Variants in TTC17 observed in about 807,000 individuals in gnomAD.
The protein encoded by TTC17 is tetratricopeptide repeat protein 17.
A neutral mutation model predicts 143.8 loss-of-function variants in TTC17; 58 were observed. The ratio of observed to expected loss-of-function variants is 0.40; its 90% confidence interval spans 0.33 to 0.50. The LOEUF (loss-of-function observed/expected upper bound fraction) is 0.50. Ranked by LOEUF, TTC17 falls within the 20% of genes least tolerant of loss-of-function variation. TTC17 has a pLI of 0.49. For synonymous variants in TTC17, 501 were observed against 497.8 expected, an observed-to-expected ratio of 1.01 and a Z score of -0.09; for missense variants, 1,273 against 1,392.5, an observed-to-expected ratio of 0.91 and a Z score of 1.37.
chr11:43,448,283 C>T (rs1163867507), intron 19 of TTC17, among the ~76,000 whole-genome samples, 161 bp downstream of exon 19: 1 of 152,160 alleles, frequency 6.6e-6, no homozygotes, highest in Non-Finnish European at 1.5e-5. Flanking sequence ...GTGGACCCAA[C>T]CCATTGTAGC....
In TTC17 at chr11:43,404,016, A is replaced by G. The variant is rs141356687; in HGVS notation, c.1351A>G (p.Thr451Ala). The G allele has an allele frequency of 2.0e-5, 32 of 1,604,230 alleles. No individual in the cohort carries two copies. Among genetic ancestry groups the G allele is most frequent in the African/African-American group, 9.4e-5 (7 of 74,310 alleles). Residue 451 changes from threonine (T) to alanine (A), a missense_variant, in exon 11 of 24, where the codon ACC becomes GCC. By Grantham distance (58) the Thr-to-Ala change is moderately conservative (BLOSUM62 0). Around this residue, in one of 3 missense-constraint regions of TTC17, gnomAD observed 878 missense variants for 899.8 expected, o/e 0.98. Transcript: ENST00000039989. ...TTTCTAGTTTGGTGAGGATTCATCAACCTCCAGTATGATGTCTGTGAACTT... is the reference window on the plus strand; with the variant it reads ...TTTCTAGTTTGGTGAGGATTCATCAGCCTCCAGTATGATGTCTGTGAACTT... ...DYVQFGEDSSTSSMMSVNFDV... is the reference protein window; with the variant it reads ...DYVQFGEDSSASSMMSVNFDV...
chr11:43,397,862 G>C, intron 7 of TTC17, 112 bp from the exon 8 acceptor site: 1 of 1,424,288 alleles, frequency 7.0e-7, no homozygotes, highest in Non-Finnish European at 9.5e-7. Flanking sequence ...TAGAGGATTT[G>C]GACAGATGCA....
At chr11:43,401,720 T>G (rs973359367) in intron 10 of TTC17, 162 bp downstream of exon 10, 5 of 545,472 alleles carry the variant, frequency 9.2e-6, no homozygotes, top group Non-Finnish European at 1.6e-5. Context: ...GGCTCACGCC[T>G]GTAATCTCAG....
intron 21 of TTC17, among the ~76,000 whole-genome samples, chr11:43,470,658 C>T (rs914910913): frequency 3.3e-5 from 5 of 152,190 alleles, no homozygotes; most frequent in Non-Finnish European, 5.9e-5. Flanking sequence ...TTTAGGCTCA[C>T]GGACGGACTT....
At chr11:43,398,722 A>G (rs1857721631) in intron 8 of TTC17, among the ~76,000 whole-genome samples, 1 of 152,244 alleles carries the variant, frequency 6.6e-6, no homozygotes, top group Admixed American at 6.5e-5. Context: ...AAGAAACTTC[A>G]TGTTAACTCA....
intron 10 of TTC17, among the ~76,000 whole-genome samples, chr11:43,402,501 A>G (rs1857909991): frequency 6.6e-6 from 1 of 152,260 alleles, no homozygotes; most frequent in South Asian, 2.1e-4. Context: ...AACACATGTA[A>G]TGATACCAGA....
intron 8 of TTC17, among the ~76,000 whole-genome samples, chr11:43,399,537 G>C (rs368754763): frequency 6.6e-6 from 1 of 152,140 alleles, no homozygotes; most frequent in African/African-American, 2.4e-5. Flanking sequence ...GCATGGTGGC[G>C]TGTGCCTGTA....
At chr11:43,490,562 G>A (rs1948455999) in intron 22 of TTC17, among the ~76,000 whole-genome samples, 1 of 152,186 alleles carries the variant, frequency 6.6e-6, no homozygotes, top group South Asian at 2.1e-4. Flanking sequence ...GCTTCAGCAG[G>A]TTGGAACGTG....
intron 18 of TTC17, among the ~76,000 whole-genome samples, chr11:43,444,717 A>C (rs1350948201): frequency 1.7e-5 from 2 of 117,848 alleles, no homozygotes; most frequent in Admixed American, 1.8e-4. Context: ...AGTTCACCAA[A>C]TACATACACA....
intron 22 of TTC17, chr11:43,490,608 C>A: frequency 3.3e-6 from 1 of 301,050 alleles, no homozygotes; most frequent in Non-Finnish European, 6.0e-6. Context: ...GACAGTACTG[C>A]ATTTAGTCCC....
chr11:43,418,319 T>G (rs1348435977), intron 16 of TTC17, among the ~76,000 whole-genome samples: 1 of 152,194 alleles, frequency 6.6e-6, no homozygotes, highest in Non-Finnish European at 1.5e-5. Context: ...TTATAGGTAG[T>G]TTTATATCAC....
intron 1 of TTC17, among the ~76,000 whole-genome samples, chr11:43,374,364 G>A (rs1856683285): frequency 6.6e-6 from 1 of 152,096 alleles, no homozygotes; most frequent in Admixed American, 6.5e-5. Context: ...ATAGGCCTGG[G>A]CAAAGAATTT....
chr11:43,419,752 C>T (rs1174935999), intron 16 of TTC17, among the ~76,000 whole-genome samples: 1 of 152,154 alleles, frequency 6.6e-6, no homozygotes, highest in African/African-American at 2.4e-5. Context: ...TATTCACAGA[C>T]TCTATCATAG....
chr11:43,445,359 A>G lies in TTC17; in HGVS notation c.2665+1150A>G, dbSNP rs1257204879. Among the ~76,000 whole-genome samples the G allele has an allele frequency of 2.6e-5, 4 of 152,328 alleles. No homozygotes were observed. The South Asian group carries it at 8.3e-4, about 32-fold the overall frequency. ...CATCTTAGATTTGATGAAATATGGTATAATAAACAAGCACATAGAAACAAA... is the reference window on the plus strand; with the variant it reads ...CATCTTAGATTTGATGAAATATGGTGTAATAAACAAGCACATAGAAACAAA... On this transcript the variant is annotated intron_variant, in intron 18 of 23. Coordinates refer to ENST00000039989, the MANE Select transcript of TTC17 (RefSeq NM_018259.6).
intron 21 of TTC17, among the ~76,000 whole-genome samples, chr11:43,471,897 G>T (rs1341274237): frequency 6.6e-6 from 1 of 152,104 alleles, no homozygotes; most frequent in South Asian, 2.1e-4. Flanking sequence ...AAGGCAAATA[G>T]TAAAATGACA....
chr11:43,407,299 T>C (rs185859548), intron 14 of TTC17, 54 bp from the exon 15 acceptor site: 613 of 1,579,810 alleles, frequency 3.9e-4, no homozygotes, highest in Non-Finnish European at 5.0e-4. Context: ...AAAAATCTTA[T>C]TTAGAACAAG....
At chr11:43,404,517 A>G (rs1014711801) in intron 11 of TTC17, among the ~76,000 whole-genome samples, 15 of 152,214 alleles carry the variant, frequency 9.9e-5, no homozygotes, top group Non-Finnish European at 1.2e-4. Context: ...TAATGCTGGC[A>G]GTATAATAGA....
intron 12 of TTC17, 73 bp downstream of exon 12, chr11:43,405,702 G>A (rs1858089506): frequency 6.2e-7 from 1 of 1,611,664 alleles, no homozygotes; most frequent in Non-Finnish European, 8.5e-7. Context: ...GAGAGCACCA[G>A]CCTTGGACTT....
Position 43,405,547 on chromosome 11 carries a change from G to C in TTC17, c.1513G>C (p.Asp505His). ...GCATATTCTATGGCCTAAAAGAGCA[G>C]ATTGTACAGAAAGCTACCCTAGAGT... is the stretch of plus-strand genomic sequence containing the variant. ...KQHILWPKRADCTESYPRVPV... is the reference protein window; with the variant it reads ...KQHILWPKRAHCTESYPRVPV... Residue 505 changes from aspartate to histidine, a missense_variant, in exon 12 of 24, where the codon GAT becomes CAT. This residue lies in a region of TTC17 where 878 missense variants were observed against 899.8 expected (regional missense o/e 0.98). Transcript: ENST00000039989. 1.9e-6 allele frequency: 3 copies of C among 1,613,972 alleles called. No homozygotes were observed. Among genetic ancestry groups the C allele is most frequent in the Middle Eastern group, 3.3e-4 (2 of 6,062 alleles).
Sources: allele counts gnomAD v4.1 joint callset (sites outside exome capture counted in the v4.1 genomes callset), GRCh38; gene constraint gnomAD v4.1.1; regional missense constraint gnomAD v4.1.1; transcripts MANE v1.5; gene names NCBI Gene and HGNC (gene_info 2026-07-23, HGNC 2026-07-21).